The following XPO1 variants were observed in gnomAD, a reference collection of about 807,000 sequenced individuals.
XPO1 encodes the protein exportin 1, also known as exportin-1.
XPO1 carries 5 observed loss-of-function variants against 133.3 expected under a neutral mutation model. That is an observed-to-expected ratio of 0.04 (90% CI 0.02 to 0.08). XPO1 has a LOEUF of 0.08. XPO1 is among the 10% of genes least tolerant of loss of function. The pLI is 1.00. For missense variants in XPO1, 506 were observed against 1,267.5 expected, an observed-to-expected ratio of 0.40 and a Z score of 9.12; for synonymous variants, 419 against 408.2, an observed-to-expected ratio of 1.03 and a Z score of -0.32.
intron 11 of XPO1, chr2:61,494,296 ATAG>A (rs1697133459): frequency 2.1e-6 from 1 of 484,074 alleles, no homozygotes; most frequent in African/African-American, 2.0e-5. Context: ...AATCTCTCAC[ATAG>A]TAGTTGATCA....
At chr2:61,525,941 TA>T in intron 3 of XPO1, 1 of 1,053,398 alleles carries the variant, frequency 9.5e-7, no homozygotes. Context: ...TGTTCAAACT[TA>T]AAAAAGGACC....
intron 1 of XPO1, among the ~76,000 whole-genome samples, chr2:61,535,738 C>T (rs1487177698): frequency 1.3e-5 from 2 of 152,106 alleles, no homozygotes; most frequent in Non-Finnish European, 1.5e-5. Flanking sequence ...GACTTCAAAA[C>T]GTTTCGTAGT....
intron 4 of XPO1, among the ~76,000 whole-genome samples, chr2:61,514,891 A>G (rs1410183163): frequency 2.0e-5 from 3 of 151,998 alleles, no homozygotes; most frequent in African/African-American, 7.2e-5. Flanking sequence ...CCAGGCCAAT[A>G]TGGCGAAACT....
chr2:61,479,022 G>A (rs1452977843), intron 24 of XPO1, 56 bp from the exon 25 acceptor site: 1 of 1,575,090 alleles, frequency 6.3e-7, no homozygotes, highest in African/African-American at 1.4e-5. Context: ...TGCAAAGAAA[G>A]AAATCATAGA....
At chr2:61,487,275 C>T (rs1258931006) in intron 19 of XPO1, among the ~76,000 whole-genome samples, 1 of 152,182 alleles carries the variant, frequency 6.6e-6, no homozygotes, top group Non-Finnish European at 1.5e-5. Context: ...ATTATTCCCA[C>T]TGTGCTCCCG....
intron 2 of XPO1, 52 bp downstream of exon 2, chr2:61,533,717 CCAA>C (rs2104843678): frequency 7.2e-7 from 1 of 1,387,324 alleles, no homozygotes; most frequent in East Asian, 2.7e-5. Flanking sequence ...TATTCTAAAC[CCAA>C]CAACTCTGTT....
intron 11 of XPO1, among the ~76,000 whole-genome samples, chr2:61,494,991 G>A (rs1697175122): frequency 1.3e-5 from 2 of 151,728 alleles, no homozygotes; most frequent in African/African-American, 4.8e-5. Flanking sequence ...ACAGTCATGT[G>A]ACACCACGCA....
intron 4 of XPO1, among the ~76,000 whole-genome samples, chr2:61,521,908 C>A (rs1243716162): frequency 6.6e-6 from 1 of 151,804 alleles, no homozygotes; most frequent in Non-Finnish European, 1.5e-5. Context: ...GCCACCTGCA[C>A]CAAAATACCT....
intron 4 of XPO1, 118 bp from the exon 5 acceptor site, chr2:61,502,428 T>C: frequency 2.1e-6 from 2 of 960,734 alleles, no homozygotes; most frequent in Non-Finnish European, 3.1e-6. Context: ...GTTAATATAC[T>C]CTAATCCTGT....
intron 22 of XPO1, 126 bp from the exon 23 acceptor site, chr2:61,482,665 G>T: frequency 1.0e-6 from 1 of 970,020 alleles, no homozygotes; most frequent in Non-Finnish European, 1.5e-6. Flanking sequence ...GAATGCCGTG[G>T]CGCAATCTTA....
intron 1 of XPO1, among the ~76,000 whole-genome samples, 195 bp downstream of exon 1, chr2:61,537,367 C>T (rs1044697892): frequency 6.6e-6 from 1 of 151,092 alleles, no homozygotes; most frequent in African/African-American, 2.4e-5. Flanking sequence ...CGCCTCCCCG[C>T]CTCCATCCCC....
chr2:61,488,270 A>T lies in XPO1; in HGVS notation c.2208T>A (p.Gly736=), dbSNP rs1696791245. 3.1e-6 allele frequency: 5 copies of T among 1,612,790 alleles called. No individual in the cohort carries two copies. Among genetic ancestry groups the T allele is most frequent in the Non-Finnish European group, 4.2e-6 (5 of 1,178,958 alleles). Residue 736 remains glycine (G), a splice_region_variant and synonymous_variant, in exon 19 of 25, where the codon GGT becomes GGA. Transcript: ENST00000401558. ...TCAATGGTTGCTTTGTAACCATTTC[A>T]CCTACAAAACAGAATCAAATGGAAT... ...ENISAAIQAN[G]EMVTKQPLIR... is the part of the protein sequence containing the mutation.
chr2:61,488,286 CA>C lies in XPO1; in HGVS notation c.2207-16del. On this transcript the variant is annotated splice_polypyrimidine_tract_variant and intron_variant, in intron 18 of 24. Coordinates refer to ENST00000401558, the MANE Select transcript of XPO1 (RefSeq NM_003400.4). Reference sequence around the variant, plus strand: ...AACCATTTCACCTACAAAACAGAATCAAATGGAATCTAATTTTACCACTAAA... The same window carrying C: ...AACCATTTCACCTACAAAACAGAATCAATGGAATCTAATTTTACCACTAAA... 1 of 1,607,152 alleles carries C rather than the reference CA, an allele frequency of 6.2e-7. No homozygotes were observed. Among genetic ancestry groups the C allele is most frequent in the Non-Finnish European group, 8.5e-7 (1 of 1,174,050 alleles).
intron 1 of XPO1, 120 bp from the exon 2 acceptor site, chr2:61,534,023 C>T: frequency 9.6e-7 from 1 of 1,041,718 alleles, no homozygotes; most frequent in Middle Eastern, 3.4e-4. Flanking sequence ...ACTTTAGAGA[C>T]TTTAATTACA....
Position 61,482,424 on chromosome 2 carries a change from T to C in XPO1, c.2928A>G (p.Glu976=). 6.2e-7 allele frequency: 1 copy of C among 1,613,104 alleles called. No homozygotes were observed. The highest frequency in any genetic ancestry group is 8.5e-7 in the Non-Finnish European group (1 of 1,179,694). ...CCGACTTAAGGAGATTAGCCACATA[T>C]TCCTGAAGAAAGATTTGGTTGTTAA... ...NPVNNQIFLQ[E]YVANLLKSAF... Residue 976 remains glutamate, a synonymous_variant, in exon 23 of 25, where the codon GAA becomes GAG. Transcript: ENST00000401558.
chr2:61,482,159 T>TG (rs1553401195), intron 23 of XPO1, among the ~76,000 whole-genome samples: 5 of 150,542 alleles, frequency 3.3e-5, no homozygotes, highest in South Asian at 2.1e-4. Context: ...CAAACAACCC[T>TG]CTCGCCTCAG....
At chr2:61,530,083 A>C (rs1699087334) in intron 2 of XPO1, among the ~76,000 whole-genome samples, 2 of 152,246 alleles carry the variant, frequency 1.3e-5, no homozygotes, top group African/African-American at 4.8e-5. Flanking sequence ...CTTCTCCCTG[A>C]GAATATCTAG....
In XPO1 at chr2:61,496,873, T is replaced by A. The variant is rs760478449; in HGVS notation, c.888+6A>T. 1 of 1,585,460 alleles carries A rather than the reference T, an allele frequency of 6.3e-7. No individual in the cohort carries two copies. The highest frequency in any genetic ancestry group is 1.9e-5 in the Admixed American group (1 of 52,282). The stretch of plus-strand genomic sequence containing the variant: ...TCAGCCAATTTTCAAGATAGTATTA[T>A]ATTACCTGCTTTAGTTGCATCATTG... On this transcript the variant is annotated splice_donor_region_variant and intron_variant, in intron 10 of 24. Coordinates refer to ENST00000401558, the MANE Select transcript of XPO1 (RefSeq NM_003400.4).
intron 2 of XPO1, 34 bp from the exon 3 acceptor site, chr2:61,526,555 T>C (rs1337307034): frequency 9.4e-6 from 14 of 1,491,354 alleles, no homozygotes; most frequent in African/African-American, 1.4e-5. Flanking sequence ...AAACTTAAGC[T>C]AATGTATTCT....
Sources: allele counts gnomAD v4.1 joint callset (sites outside exome capture counted in the v4.1 genomes callset), GRCh38; gene constraint gnomAD v4.1.1; transcripts MANE v1.5; gene names NCBI Gene and HGNC (gene_info 2026-07-23, HGNC 2026-07-21).